Variants in ROBO2 observed in about 807,000 individuals in gnomAD.
The protein encoded by ROBO2 is roundabout guidance receptor 2.
A neutral mutation model predicts 160.8 loss-of-function variants in ROBO2; 53 were observed. The ratio of observed to expected loss-of-function variants is 0.33; its 90% CI spans 0.26 to 0.41. ROBO2 has a LOEUF of 0.41. ROBO2 is among the 10% of genes least tolerant of loss of function. The pLI is 1.00. For missense variants in ROBO2, 1,577 were observed against 1,722.4 expected, an observed-to-expected ratio of 0.92 and a Z score of 1.49; for synonymous variants, 664 against 611.7, an observed-to-expected ratio of 1.09 and a Z score of -1.26.
At chr3:76,015,645 G>T (rs535174398) in intron 2 of ROBO2, among the ~76,000 whole-genome samples, 2 of 152,152 alleles carry the variant, frequency 1.3e-5, no homozygotes, top group African/African-American at 2.4e-5. Flanking sequence ...TTTAGTATGC[G>T]ACACAAAATG....
At chr3:76,972,997 A>T (rs2059643450) in intron 2 of ROBO2, among the ~76,000 whole-genome samples, 2 of 152,164 alleles carry the variant, frequency 1.3e-5, no homozygotes, top group Admixed American at 6.6e-5. Flanking sequence ...TTTTGTAAAG[A>T]GCTATTTAGT....
At chr3:76,892,387 C>T (rs982818086) in intron 2 of ROBO2, among the ~76,000 whole-genome samples, 1 of 152,274 alleles carries the variant, frequency 6.6e-6, no homozygotes, top group African/African-American at 2.4e-5. Context: ...ATCTACTTAG[C>T]CCATAGCCAT....
At chr3:77,484,454 T>C (rs2085085874) in intron 4 of ROBO2, among the ~76,000 whole-genome samples, 1 of 151,678 alleles carries the variant, frequency 6.6e-6, no homozygotes, top group African/African-American at 2.4e-5. Context: ...TTGTAAAATA[T>C]AATAAGTATT....
chr3:75,990,041 T>TA (rs1252366151), intron 2 of ROBO2, among the ~76,000 whole-genome samples: 2 of 152,222 alleles, frequency 1.3e-5, no homozygotes, highest in Non-Finnish European at 2.9e-5. Flanking sequence ...GTAACTTTTC[T>TA]AAAAACCATT....
chr3:76,524,900 C>A (rs2081865931), intron 2 of ROBO2, among the ~76,000 whole-genome samples: 1 of 130,512 alleles, frequency 7.7e-6, no homozygotes, highest in African/African-American at 2.8e-5. Flanking sequence ...TAAATGATTT[C>A]TACGCCTCAC....
chr3:77,412,875 G>A (rs975147771), intron 2 of ROBO2, among the ~76,000 whole-genome samples: 2 of 152,170 alleles, frequency 1.3e-5, no homozygotes, highest in African/African-American at 4.8e-5. Context: ...ATTTGGGGAT[G>A]CGTCAGTGCT....
chr3:76,699,117 G>C (rs2092993991), intron 2 of ROBO2, among the ~76,000 whole-genome samples: 1 of 152,024 alleles, frequency 6.6e-6, no homozygotes, highest in Non-Finnish European at 1.5e-5. Context: ...CTGCCAATTT[G>C]AGCCACACTG....
At chr3:76,390,139 AT>A (rs1160100301) in intron 2 of ROBO2, among the ~76,000 whole-genome samples, 6 of 152,192 alleles carry the variant, frequency 3.9e-5, no homozygotes, top group African/African-American at 1.4e-4. Flanking sequence ...CTTAATAATT[AT>A]AACAGCTAAC....
At chr3:77,009,102 A>T (rs2061732236) in intron 2 of ROBO2, among the ~76,000 whole-genome samples, 1 of 152,320 alleles carries the variant, frequency 6.6e-6, no homozygotes, top group Non-Finnish European at 1.5e-5. Context: ...TTACTTAAAA[A>T]GTAAGATTAA....
intron 2 of ROBO2, among the ~76,000 whole-genome samples, chr3:76,668,865 G>A (rs1423458337): frequency 6.6e-6 from 1 of 152,094 alleles, no homozygotes; most frequent in Non-Finnish European, 1.5e-5. Flanking sequence ...TAGGAAAATA[G>A]AAAAGCTGAC....
In ROBO2 at chr3:77,143,809, T is replaced by A. The variant is rs974051472; in HGVS notation, c.388+45469T>A. Among the ~76,000 whole-genome samples the A allele has an allele frequency of 1.4e-4, 22 of 152,288 alleles. 1 individual carries two copies. Among genetic ancestry groups the A allele is most frequent in the African/African-American group, 3.6e-4 (15 of 41,576 alleles). On this transcript the variant is annotated intron_variant, in intron 2 of 25. Coordinates refer to ENST00000461745, the Ensembl canonical transcript of ROBO2. ...TGACATCCATCATTTCTTGCCCATTTTTTTTTCATATTTTTTAGTATTCTG... is the reference window on the plus strand; with the variant it reads ...TGACATCCATCATTTCTTGCCCATTATTTTTTCATATTTTTTAGTATTCTG...
At chr3:76,520,668 G>A (rs373894391) in intron 2 of ROBO2, among the ~76,000 whole-genome samples, 2 of 152,058 alleles carry the variant, frequency 1.3e-5, no homozygotes, top group Admixed American at 6.6e-5. Context: ...TGGGACCTTG[G>A]AGCCTCTAAT....
chr3:76,042,475 A>T (rs1179426891), intron 2 of ROBO2, among the ~76,000 whole-genome samples: 1 of 152,108 alleles, frequency 6.6e-6, no homozygotes, highest in African/African-American at 2.4e-5. Context: ...GCGATTATTT[A>T]CATAGGTTTA....
At chr3:77,164,393 GGT>G (rs2150657966) in intron 2 of ROBO2, among the ~76,000 whole-genome samples, 2 of 97,180 alleles carry the variant, frequency 2.1e-5, no homozygotes, top group South Asian at 3.0e-4. Flanking sequence ...GGAGGTGGGG[GGT>G]CAGCCCCCCG....
At chr3:76,675,483 C>A (rs1575876482) in intron 2 of ROBO2, among the ~76,000 whole-genome samples, 1 of 152,072 alleles carries the variant, frequency 6.6e-6, no homozygotes, top group Non-Finnish European at 1.5e-5. Flanking sequence ...TATATATAAC[C>A]TATATAGCCA....
At chr3:76,017,214 A>G (rs1365239760) in intron 2 of ROBO2, among the ~76,000 whole-genome samples, 1 of 152,118 alleles carries the variant, frequency 6.6e-6, no homozygotes, top group Non-Finnish European at 1.5e-5. Flanking sequence ...TTTATTAACA[A>G]TCGTGATGTA....
chr3:77,411,443 G>A (rs2076795398), intron 2 of ROBO2, among the ~76,000 whole-genome samples: 2 of 152,072 alleles, frequency 1.3e-5, no homozygotes, highest in Non-Finnish European at 2.9e-5. Context: ...TTGCATTATG[G>A]CATTGTTTTA....
chr3:77,379,492 C>T (rs2073154915), intron 2 of ROBO2, among the ~76,000 whole-genome samples: 1 of 152,210 alleles, frequency 6.6e-6, no homozygotes, highest in South Asian at 2.1e-4. Flanking sequence ...CACCATCCTA[C>T]ATTTGTCTAA....
chr3:77,563,110 G>T, intron 10 of ROBO2, 57 bp from the exon 12 acceptor site: 1 of 1,542,582 alleles, frequency 6.5e-7, no homozygotes. Context: ...CTTCTTTTAG[G>T]CAGTATTGTC....
Sources: allele counts gnomAD v4.1 joint callset (sites outside exome capture counted in the v4.1 genomes callset), GRCh38; gene constraint gnomAD v4.1.1; transcripts MANE v1.5; gene names NCBI Gene and HGNC (gene_info 2026-07-23, HGNC 2026-07-21).